MAP9: variants seen among roughly 807,000 people sequenced by gnomAD.
MAP9 encodes microtubule associated protein 9, also known as microtubule-associated protein 9.
A neutral mutation model predicts 75.2 loss-of-function variants in MAP9; 80 were observed. The ratio of observed to expected loss-of-function variants is 1.06; its 90% CI spans 0.89 to 1.28. The LOEUF is 1.28. Among genes scored for constraint, MAP9 ranks in the 50% most tolerant of loss-of-function variants. The pLI is 0.00. For missense variants in MAP9, 753 were observed against 719.9 expected, an observed-to-expected ratio of 1.05 and a Z score of -0.53; for synonymous variants, 235 against 237.3, an observed-to-expected ratio of 0.99 and a Z score of 0.09.
intron 3 of MAP9, among the ~76,000 whole-genome samples, chr4:155,374,004 G>C (rs900747555): frequency 3.3e-5 from 5 of 152,072 alleles, no homozygotes; most frequent in Admixed American, 3.3e-4. Context: ...GGTTATTACT[G>C]GTTTTACAGA....
intron 2 of MAP9, 117 bp downstream of exon 2, chr4:155,375,659 T>C: frequency 1.8e-6 from 1 of 560,452 alleles, no homozygotes; most frequent in Non-Finnish European, 3.0e-6. Context: ...GTGCAAAACC[T>C]CAAAAGTAAT....
At chr4:155,370,932 G>C (rs1352233577) in intron 4 of MAP9, among the ~76,000 whole-genome samples, 1 of 152,122 alleles carries the variant, frequency 6.6e-6, no homozygotes, top group Non-Finnish European at 1.5e-5. Flanking sequence ...CTAGAGGCAG[G>C]CAACTATTAT....
chr4:155,354,645 G>C (rs1388964983), intron 10 of MAP9, among the ~76,000 whole-genome samples: 6 of 151,944 alleles, frequency 3.9e-5, no homozygotes, highest in African/African-American at 1.2e-4. Flanking sequence ...TGTATTTTTA[G>C]TAGAGATGGG....
intron 4 of MAP9, among the ~76,000 whole-genome samples, chr4:155,369,114 A>G (rs1732471584): frequency 6.6e-6 from 1 of 152,142 alleles, no homozygotes; most frequent in Non-Finnish European, 1.5e-5. Flanking sequence ...TGAGGTCAGG[A>G]GTTCGAGACC....
intron 13 of MAP9, among the ~76,000 whole-genome samples, chr4:155,348,306 C>T (rs1337802766): frequency 6.6e-6 from 1 of 152,052 alleles, no homozygotes; most frequent in African/African-American, 2.4e-5. Context: ...CACTGCACTC[C>T]AGCCTGGGCA....
intron 13 of MAP9, 142 bp from the exon 14 acceptor site, chr4:155,348,047 CA>C (rs2111176819): frequency 3.4e-6 from 2 of 586,640 alleles, no homozygotes; most frequent in South Asian, 5.4e-5. Flanking sequence ...AAAGAAATAA[CA>C]GGTAGGGCCA....
At chr4:155,371,013 G>A (rs568598454) in intron 4 of MAP9, among the ~76,000 whole-genome samples, 1 of 152,272 alleles carries the variant, frequency 6.6e-6, no homozygotes, top group East Asian at 1.9e-4. Flanking sequence ...CTAGCAGGCT[G>A]CAGATCTCAG....
rs377332800 is a variant in MAP9 at position 155,342,748 on chromosome 4, C to G, written c.*5035G>C. ...CATCTTTTTTAATCTTGCACACGCA[C>G]TGCAGCAAGGTTAATCCTGTATGTG... is the stretch of plus-strand genomic sequence containing the variant. On this transcript the variant is annotated 3_prime_UTR_variant, in exon 14 of 14. Coordinates refer to ENST00000311277, the MANE Select transcript of MAP9 (RefSeq NM_001039580.2). 1.3e-5 allele frequency: 2 copies of G among 152,112 alleles called. No individual in the cohort carries two copies. Among genetic ancestry groups the G allele is most frequent in the East Asian group, 1.9e-4 (1 of 5,186 alleles). The allele number at this position is 152,112 out of a possible 1,614,324, so 9.4% of individuals were successfully genotyped here. A position where few individuals can be genotyped will look rare whatever the true frequency, so the allele number is the denominator to read the frequency against.
intron 7 of MAP9, 97 bp downstream of exon 7, chr4:155,360,071 G>A (rs1731998695): frequency 9.1e-7 from 1 of 1,100,534 alleles, no homozygotes; most frequent in Admixed American, 2.4e-5. Flanking sequence ...ATTTTCCACT[G>A]GTAATTCAGA....
In MAP9 at chr4:155,373,299, T is replaced by G. The variant is rs201010576; in HGVS notation, c.318A>C (p.Pro106=). 14 of 1,613,864 alleles carry G rather than the reference T, an allele frequency of 8.7e-6. No individual in the cohort carries two copies. The highest frequency in any genetic ancestry group is 1.7e-5 in the Admixed American group (1 of 60,004). Residue 106 remains proline (P), a synonymous_variant, in exon 4 of 14, where the codon CCA becomes CCC. Coordinates refer to ENST00000311277, the MANE Select transcript of MAP9 (RefSeq NM_001039580.2). ...CCTCTTCATTTTTGATGGCACACAC[T>G]GGCTCATCTTTGGTTATGTTACCGT... ...KSNGNITKDE[P]VCAIKNEEEM...
intron 7 of MAP9, among the ~76,000 whole-genome samples, chr4:155,358,350 C>T (rs1299914219): frequency 6.6e-6 from 1 of 152,144 alleles, no homozygotes; most frequent in Admixed American, 6.6e-5. Flanking sequence ...ACATAATAAA[C>T]ACATCCCTAA....
chr4:155,355,902 A>C lies in MAP9; in HGVS notation c.1122-18T>G, dbSNP rs1441506199. 2 of 1,593,780 alleles carry C rather than the reference A, an allele frequency of 1.3e-6. No individual in the cohort carries two copies. The highest frequency in any genetic ancestry group is 3.4e-5 in the Admixed American group (2 of 58,462). On this transcript the variant is annotated intron_variant, in intron 8 of 13. Coordinates refer to ENST00000311277, the MANE Select transcript of MAP9 (RefSeq NM_001039580.2). ...TCATTAATCTGAAAAGATCCAAATG[A>C]ATCAAGACAAAATATTACAATTGCA...
intron 8 of MAP9, 167 bp downstream of exon 8, chr4:155,357,282 C>T (rs1212019503): frequency 5.0e-6 from 3 of 597,386 alleles, no homozygotes; most frequent in Non-Finnish European, 8.9e-6. Context: ...CAAATAATAT[C>T]ATCAACCAAG....
Position 155,355,836 on chromosome 4 carries a change from A to G in MAP9, c.1170T>C (p.Thr390=), listed in dbSNP as rs1731755221. ...AGTGAGAAGAGGTAGTTGTCGATGG[A>G]GTTCTCCTTTTAGAACTAGATTTCT... is the stretch of plus-strand genomic sequence containing the variant. The part of the protein sequence containing the change: ...FLKKSSSKRR[T]PSTTTSSHYL... Residue 390 remains threonine, a synonymous_variant, in exon 9 of 14, where the codon ACT becomes ACC. Transcript: ENST00000311277. The G allele has an allele frequency of 1.2e-6, 2 of 1,613,696 alleles. No individual in the cohort carries two copies. The highest frequency in any genetic ancestry group is 1.1e-5 in the South Asian group (1 of 91,082).
rs1037191154 is a variant in MAP9 at position 155,342,893 on chromosome 4, A to G, written c.*4890T>C. On this transcript the variant is annotated 3_prime_UTR_variant, in exon 14 of 14. Transcript: ENST00000311277. ...CCTTACATTTATAAATTCTTATTTA[A>G]TTTTATAGCTTTAATGCGGTCCATC... The G allele has an allele frequency of 7.2e-5, 11 of 151,940 alleles. No homozygotes were observed. Among genetic ancestry groups the G allele is most frequent in the Admixed American group, 5.3e-4 (8 of 15,206 alleles). 9.4% of individuals were successfully genotyped at this position (151,940 alleles called of 1,614,324 possible).
rs1445190761 is a variant in MAP9 at position 155,347,925 on chromosome 4, C to T, written c.1822-20G>A. 7.2e-7 allele frequency: 1 copy of T among 1,384,096 alleles called. No individual in the cohort carries two copies. The allele number at this position is 1,384,096 out of a possible 1,614,324, so 85.7% of individuals were successfully genotyped here. A position where few individuals can be genotyped will look rare whatever the true frequency, so the allele number is the denominator to read the frequency against. On this transcript the variant is annotated intron_variant, in intron 13 of 13. Transcript: ENST00000311277. The stretch of plus-strand genomic sequence containing the variant: ...ATTTTCCTAAAGAGAAAATAGAACA[C>T]TATAAATTTATGTACATATATGATT...
Position 155,355,661 on chromosome 4 carries a change from G to A in MAP9, c.1290+55C>T, listed in dbSNP as rs1287160432. 78 of 1,364,722 alleles carry A rather than the reference G, an allele frequency of 5.7e-5. 1 individual carries two copies. The highest frequency in any genetic ancestry group is 7.0e-5 in the Non-Finnish European group (69 of 982,728). 84.5% of individuals were successfully genotyped at this position (1,364,722 alleles called of 1,614,324 possible). On this transcript the variant is annotated intron_variant, in intron 9 of 13. Coordinates refer to ENST00000311277, the MANE Select transcript of MAP9 (RefSeq NM_001039580.2). The stretch of plus-strand genomic sequence containing the variant: ...GATTACTTTATTCTTTATAAACAGT[G>A]TAGGCTTATGAAAGTGATCATTCTT...
intron 5 of MAP9, among the ~76,000 whole-genome samples, chr4:155,363,733 A>G (rs1163143649): frequency 6.6e-6 from 1 of 152,116 alleles, no homozygotes; most frequent in Non-Finnish European, 1.5e-5. Context: ...ATTTAATACA[A>G]TTTGAAATCA....
chr4:155,356,861 CGAT>C (rs1004925327), intron 8 of MAP9, among the ~76,000 whole-genome samples: 29 of 152,202 alleles, frequency 1.9e-4, no homozygotes, highest in Non-Finnish European at 3.4e-4. Context: ...ATTTGACTAA[CGAT>C]AATTTTAAAG....
Sources: gnomAD v4.1 joint callset for allele counts (sites outside exome capture counted in the v4.1 genomes callset) on GRCh38, gnomAD v4.1.1 for gene constraint, MANE v1.5 for transcripts, NCBI Gene and HGNC (gene_info 2026-07-23, HGNC 2026-07-21) for gene names.